PTK2: variants seen among roughly 807,000 people sequenced by gnomAD.
The protein encoded by PTK2 is focal adhesion kinase 1.
PTK2 carries 45 observed loss-of-function variants against 150.1 expected under a neutral mutation model. That is an observed-to-expected ratio of 0.30 (90% confidence interval 0.24 to 0.38). The LOEUF (loss-of-function observed/expected upper bound fraction) is 0.38. PTK2 is among the 10% of genes least tolerant of loss of function. The pLI is 1.00. For missense variants in PTK2, 919 were observed against 1,307.3 expected (o/e 0.70, Z 4.58); for synonymous variants, 432 against 449.2 (o/e 0.96, Z 0.48).
At chr8:140,828,530 A>C (rs969703658) in intron 8 of PTK2, among the ~76,000 whole-genome samples, 2 of 152,210 alleles carry the variant, frequency 1.3e-5, no homozygotes, top group African/African-American at 4.8e-5. Context: ...AGACTTTGCA[A>C]TAATTCTGAG....
chr8:140,813,084 T>C (rs1287175305), intron 10 of PTK2, among the ~76,000 whole-genome samples: 18 of 152,174 alleles, frequency 1.2e-4, no homozygotes, highest in Admixed American at 1.2e-3. Context: ...TACACATTCA[T>C]CTCATCACCA....
chr8:140,810,333 T>C (rs373655819), intron 10 of PTK2, among the ~76,000 whole-genome samples: 7 of 152,302 alleles, frequency 4.6e-5, no homozygotes, highest in African/African-American at 1.2e-4. Context: ...AGGGGAACTG[T>C]TGGACCTGAA....
chr8:140,893,877 G>A (rs561449087), intron 2 of PTK2, among the ~76,000 whole-genome samples: 1 of 152,278 alleles, frequency 6.6e-6, no homozygotes, highest in South Asian at 2.1e-4. Flanking sequence ...TGGTAAGGAT[G>A]TGGGGAAACA....
At chr8:140,977,361 C>T (rs557017502) in intron 1 of PTK2, among the ~76,000 whole-genome samples, 1 of 152,208 alleles carries the variant, frequency 6.6e-6, no homozygotes, top group East Asian at 1.9e-4. Flanking sequence ...CGGTAGCTCA[C>T]GTCTGTAATC....
intron 1 of PTK2, among the ~76,000 whole-genome samples, chr8:140,950,631 C>G (rs1220793869): frequency 6.6e-6 from 1 of 152,242 alleles, no homozygotes; most frequent in Non-Finnish European, 1.5e-5. Context: ...GCCCAGTGGG[C>G]ATGGGCAATA....
chr8:140,676,601 G>A (rs1165605105), intron 27 of PTK2, among the ~76,000 whole-genome samples: 2 of 110,922 alleles, frequency 1.8e-5, no homozygotes, highest in African/African-American at 6.5e-5. Context: ...GAGTTGCCGC[G>A]GTCGGTGGGG....
chr8:140,948,004 G>C (rs1367233817), intron 1 of PTK2, among the ~76,000 whole-genome samples: 2 of 151,936 alleles, frequency 1.3e-5, no homozygotes, highest in Non-Finnish European at 2.9e-5. Context: ...GTTATTTAGG[G>C]GCCCACAGAC....
intron 1 of PTK2, among the ~76,000 whole-genome samples, chr8:140,944,691 G>C (rs1451545197): frequency 6.6e-6 from 1 of 152,180 alleles, no homozygotes; most frequent in Non-Finnish European, 1.5e-5. Context: ...TCACAAAACT[G>C]AGTAAAAAGT....
intron 1 of PTK2, among the ~76,000 whole-genome samples, chr8:140,941,709 C>CT (rs542573217): frequency 1.3e-5 from 2 of 152,078 alleles, no homozygotes; most frequent in East Asian, 1.9e-4. Context: ...ATGAGCAACT[C>CT]TATTTTTTTT....
At chr8:140,689,166 GTCCTATTCCATGTAGCAGAACTCACAGA>G (rs1273424084) in intron 26 of PTK2, among the ~76,000 whole-genome samples, 1 of 152,220 alleles carries the variant, frequency 6.6e-6, no homozygotes, top group Non-Finnish European at 1.5e-5. Flanking sequence ...CACTGGGGAG[GTCCTATTCCATGTAGCAGAACTCACAGA>G]TCCTATTCCA....
chr8:140,760,492 A>G (rs995312861), intron 16 of PTK2, among the ~76,000 whole-genome samples: 6 of 152,202 alleles, frequency 3.9e-5, no homozygotes, highest in African/African-American at 1.2e-4. Context: ...TCCATATATT[A>G]TATGTTTCAT....
chr8:140,954,549 T>G (rs2154609194), intron 1 of PTK2, among the ~76,000 whole-genome samples: 1 of 152,202 alleles, frequency 6.6e-6, no homozygotes, highest in South Asian at 2.1e-4. Flanking sequence ...ATACTACCTG[T>G]CTCAGAAAAA....
intron 7 of PTK2, among the ~76,000 whole-genome samples, chr8:140,835,159 T>C (rs577163479): frequency 6.6e-6 from 1 of 152,346 alleles, no homozygotes; most frequent in African/African-American, 2.4e-5. Flanking sequence ...TGCACGTGTA[T>C]TCATATCCAC....
intron 2 of PTK2, among the ~76,000 whole-genome samples, chr8:140,902,924 G>GTTTTTTTTTTTTTTTTTTTT (rs61261890): frequency 6.8e-5 from 4 of 58,962 alleles, no homozygotes; most frequent in East Asian, 3.9e-4. Context: ...GATGAGAGTT[G>GTTTTTTTTTTTTTTTTTTTT]TTTTTTTTTT....
chr8:140,972,893 T>C (rs2100187851), intron 1 of PTK2, among the ~76,000 whole-genome samples: 1 of 152,242 alleles, frequency 6.6e-6, no homozygotes, highest in African/African-American at 2.4e-5. Context: ...CATTACCACC[T>C]GTCAAAATAT....
intron 17 of PTK2, among the ~76,000 whole-genome samples, chr8:140,750,918 CA>C (rs1292271057): frequency 6.6e-6 from 1 of 151,998 alleles, no homozygotes; most frequent in Non-Finnish European, 1.5e-5. Context: ...CTCCACAAAA[CA>C]AAAACAAAAA....
chr8:140,920,884 G>C (rs1243064287), intron 2 of PTK2: 1 of 1,526,320 alleles, frequency 6.6e-7, no homozygotes, highest in Non-Finnish European at 8.7e-7. Context: ...CTGGTTTCAG[G>C]GCCTCTTGGC....
intron 1 of PTK2, among the ~76,000 whole-genome samples, chr8:140,966,239 T>C (rs892085015): frequency 3.1e-4 from 47 of 152,224 alleles, no homozygotes; most frequent in African/African-American, 1.1e-3. Context: ...CTAGAGCGCA[T>C]GATTATCGAT....
intron 20 of PTK2, 67 bp downstream of exon 23, chr8:140,743,163 C>T (rs2154452614): frequency 9.2e-7 from 1 of 1,092,228 alleles, no homozygotes; most frequent in Non-Finnish European, 1.4e-6. Flanking sequence ...CATATTAGAA[C>T]ATACTGTTTT....
Sources: allele counts gnomAD v4.1 joint callset (sites outside exome capture counted in the v4.1 genomes callset), GRCh38; gene constraint gnomAD v4.1.1; transcripts MANE v1.5; gene names NCBI Gene and HGNC (gene_info 2026-07-23, HGNC 2026-07-21).